Variants in SNTG1 observed in about 807,000 individuals in gnomAD.
SNTG1 encodes the protein gamma-1-syntrophin.
Under a neutral mutation model 74.7 loss-of-function variants are expected in SNTG1, and 39 were observed. That is an observed-to-expected ratio of 0.52 (90% CI 0.40 to 0.68). The LOEUF (loss-of-function observed/expected upper bound fraction) is 0.68. Ranked by LOEUF, SNTG1 falls within the 30% of genes least tolerant of loss-of-function variation. The pLI, the probability that SNTG1 is intolerant of heterozygous loss-of-function variation, is 0.00. For synonymous variants in SNTG1, 254 were observed against 217.1 expected (o/e 1.17, Z -1.49); for missense variants, 685 against 609.5 (o/e 1.12, Z -1.30).
intron 2 of SNTG1, among the ~76,000 whole-genome samples, chr8:50,366,079 T>A (rs1027954890): frequency 3.9e-5 from 6 of 152,192 alleles, no homozygotes; most frequent in Non-Finnish European, 8.8e-5. Flanking sequence ...AGAACTTTTA[T>A]CATGCTATAT....
chr8:50,298,978 C>T (rs1453650799), intron 2 of SNTG1, among the ~76,000 whole-genome samples: 1 of 152,034 alleles, frequency 6.6e-6, no homozygotes, highest in African/African-American at 2.4e-5. Context: ...TTGAAGTTCA[C>T]GTTGTTTTTA....
At chr8:50,076,142 G>A (rs932156357) in intron 1 of SNTG1, among the ~76,000 whole-genome samples, 6 of 152,198 alleles carry the variant, frequency 3.9e-5, no homozygotes, top group Non-Finnish European at 8.8e-5. Context: ...TTGATGGATA[G>A]AGCCTTAGAA....
intron 1 of SNTG1, among the ~76,000 whole-genome samples, chr8:50,105,861 G>C (rs2080351071): frequency 6.6e-6 from 1 of 151,988 alleles, no homozygotes; most frequent in Non-Finnish European, 1.5e-5. Context: ...AAATCCTACT[G>C]ATTTTTATAC....
chr8:50,271,256 G>A (rs77536987), intron 2 of SNTG1, among the ~76,000 whole-genome samples: 2,345 of 152,176 alleles, frequency 0.015, 54 homozygotes, highest in African/African-American at 0.053. Context: ...AACAAATTTC[G>A]TGTAAGAATA....
intron 15 of SNTG1, 108 bp downstream of exon 15, chr8:50,658,771 G>A (rs2095199837): frequency 1.4e-6 from 1 of 691,038 alleles, no homozygotes; most frequent in Non-Finnish European, 2.4e-6. Context: ...TGAAAGAAGA[G>A]ACACGATAAA....
At chr8:50,251,738 A>T (rs2086656107) in intron 2 of SNTG1, among the ~76,000 whole-genome samples, 1 of 152,064 alleles carries the variant, frequency 6.6e-6, no homozygotes, top group Non-Finnish European at 1.5e-5. Context: ...CTAAAAGGAG[A>T]GTTAGATAGA....
intron 1 of SNTG1, among the ~76,000 whole-genome samples, chr8:49,995,009 G>A (rs910644422): frequency 1.7e-5 from 1 of 58,150 alleles, no homozygotes; most frequent in South Asian, 4.8e-4. Flanking sequence ...AAATAAGAAT[G>A]TTGAGTCCAA....
At position 50,795,612 on chromosome 8, in the gene SNTG1, G is replaced by A. The variant is rs1279271642; in HGVS notation, c.*2783G>A. ...GAGTGTGTAAGTGTTATCATTAAAG[G>A]GTTCATTACAGTGTACATAACACAA... On this transcript the variant is annotated 3_prime_UTR_variant, in exon 19 of 19. Transcript: ENST00000642720. The A allele has an allele frequency of 6.6e-6, 1 of 151,774 alleles. No homozygotes were observed. Among genetic ancestry groups the A allele is most frequent in the South Asian group, 2.1e-4 (1 of 4,824 alleles). The allele number at this position is 151,774 out of a possible 1,614,324, so 9.4% of individuals were successfully genotyped here. A position where few individuals can be genotyped will look rare whatever the true frequency, so the allele number is the denominator to read the frequency against.
chr8:50,478,555 A>G (rs2093714721), intron 8 of SNTG1, among the ~76,000 whole-genome samples: 1 of 152,190 alleles, frequency 6.6e-6, no homozygotes, highest in Non-Finnish European at 1.5e-5. Context: ...TTTCTGGGAT[A>G]ACTCCTCTTT....
intron 1 of SNTG1, among the ~76,000 whole-genome samples, chr8:50,044,770 T>C (rs966257489): frequency 2.6e-5 from 4 of 152,242 alleles, no homozygotes; most frequent in African/African-American, 9.6e-5. Context: ...TGTTTCATCA[T>C]ATTTGCCATT....
At chr8:50,513,959 C>G (rs1235120631) in intron 9 of SNTG1, among the ~76,000 whole-genome samples, 3 of 152,204 alleles carry the variant, frequency 2.0e-5, no homozygotes, top group Admixed American at 2.0e-4. Context: ...TGAGATGAAC[C>G]CAGTATCTCA....
chr8:50,344,138 A>G (rs996263473), intron 2 of SNTG1, among the ~76,000 whole-genome samples: 1 of 152,178 alleles, frequency 6.6e-6, no homozygotes, highest in African/African-American at 2.4e-5. Context: ...CCATTATTCA[A>G]CTGAGTTATA....
intron 1 of SNTG1, among the ~76,000 whole-genome samples, chr8:50,150,967 A>T (rs190588654): frequency 1.8e-4 from 28 of 152,242 alleles, no homozygotes; most frequent in Non-Finnish European, 3.2e-4. Flanking sequence ...ATTGATTGGG[A>T]TAGTTTCAGA....
chr8:50,007,932 G>C (rs1214373587), intron 1 of SNTG1, among the ~76,000 whole-genome samples: 2 of 152,112 alleles, frequency 1.3e-5, no homozygotes, highest in Admixed American at 1.3e-4. Flanking sequence ...GGTGGCAGGA[G>C]AGAGAGATAG....
At chr8:50,178,933 G>A (rs114497508) in intron 2 of SNTG1, among the ~76,000 whole-genome samples, 22 of 152,176 alleles carry the variant, frequency 1.4e-4, no homozygotes, top group African/African-American at 5.1e-4. Context: ...TATCAAGAAG[G>A]TTTTCCCCAT....
At chr8:50,280,950 G>A (rs573435831) in intron 2 of SNTG1, among the ~76,000 whole-genome samples, 140 of 132,832 alleles carry the variant, frequency 1.1e-3, no homozygotes, top group African/African-American at 3.8e-3. Context: ...TCAGGAGATC[G>A]AGACCATCCT....
intron 2 of SNTG1, among the ~76,000 whole-genome samples, chr8:50,343,721 C>G (rs959063698): frequency 1.3e-5 from 2 of 152,070 alleles, no homozygotes; most frequent in African/African-American, 4.8e-5. Flanking sequence ...ATGATTCTTA[C>G]GTGATCACCA....
chr8:50,484,098 TTCTC>T (rs1185306392), intron 8 of SNTG1, among the ~76,000 whole-genome samples: 16 of 108,520 alleles, frequency 1.5e-4, no homozygotes, highest in South Asian at 3.3e-4. Context: ...CTCTCTTTCT[TTCTC>T]TCTTTCTTTC....
intron 2 of SNTG1, among the ~76,000 whole-genome samples, chr8:50,180,266 G>C (rs762312986): frequency 3.9e-5 from 6 of 152,106 alleles, no homozygotes; most frequent in Non-Finnish European, 8.8e-5. Flanking sequence ...AGTTACTTGG[G>C]AGGAGAGGGT....
Sources: gnomAD v4.1 joint callset for allele counts (sites outside exome capture counted in the v4.1 genomes callset) on GRCh38, gnomAD v4.1.1 for gene constraint, MANE v1.5 for transcripts, NCBI Gene and HGNC (gene_info 2026-07-23, HGNC 2026-07-21) for gene names.